FAM222B: variants seen among roughly 807,000 people sequenced by gnomAD.
The protein encoded by FAM222B is family with sequence similarity 222 member B.
FAM222B carries 12 observed loss-of-function variants against 38.0 expected under a neutral mutation model. The ratio of observed to expected loss-of-function variants is 0.32; its 90% CI spans 0.20 to 0.51. The LOEUF (loss-of-function observed/expected upper bound fraction) is 0.51. Among genes scored for constraint, FAM222B ranks in the 20% least tolerant of loss-of-function variants. FAM222B has a pLI of 0.97. For synonymous variants in FAM222B, 329 were observed against 317.2 expected (o/e 1.04, Z -0.40); for missense variants, 716 against 754.2 (o/e 0.95, Z 0.59).
intron 1 of FAM222B, among the ~76,000 whole-genome samples, chr17:28,830,252 C>A (rs1460716551): frequency 1.3e-5 from 2 of 151,538 alleles, no homozygotes; most frequent in Non-Finnish European, 2.9e-5. Context: ...AGCTCCGCCT[C>A]CCAGGTTTAC....
intron 1 of FAM222B, among the ~76,000 whole-genome samples, chr17:28,815,966 CAA>C (rs1204670643): frequency 3.9e-4 from 29 of 74,898 alleles, no homozygotes; most frequent in Admixed American, 1.1e-3. Flanking sequence ...GACTCCGTCT[CAA>C]AAAAAAAAAA....
upstream of FAM222B, among the ~76,000 whole-genome samples, chr17:28,847,317 G>A (rs72848943): frequency 0.014 from 2,153 of 152,182 alleles, 38 homozygotes; most frequent in Non-Finnish European, 0.023. Context: ...GTAGTGGGCC[G>A]TGCGTGGTGG....
intron 1 of FAM222B, among the ~76,000 whole-genome samples, chr17:28,852,978 G>C (rs1184965218): frequency 6.6e-6 from 1 of 152,096 alleles, no homozygotes; most frequent in African/African-American, 2.4e-5. Flanking sequence ...CGGATCACCT[G>C]AGGTCGGGAG....
chr17:28,830,484 T>C (rs1182848048), intron 1 of FAM222B, among the ~76,000 whole-genome samples: 1 of 152,136 alleles, frequency 6.6e-6, no homozygotes, highest in Non-Finnish European at 1.5e-5. Flanking sequence ...ATGAGCTGTA[T>C]GTCTGATACA....
chr17:28,775,917 AAAAAC>A (rs1202141186), intron 1 of FAM222B, among the ~76,000 whole-genome samples: 1 of 151,516 alleles, frequency 6.6e-6, no homozygotes, highest in Non-Finnish European at 1.5e-5. Flanking sequence ...AAAAAACAAA[AAAAAC>A]AAAAAGAGCC....
intron 1 of FAM222B, among the ~76,000 whole-genome samples, chr17:28,821,002 C>T (rs1477842107): frequency 6.7e-6 from 1 of 149,736 alleles, no homozygotes; most frequent in Non-Finnish European, 1.5e-5. Flanking sequence ...TGTTGCCAGG[C>T]TGGAGTGCAA....
At chr17:28,779,479 C>T (rs992930544) in intron 1 of FAM222B, among the ~76,000 whole-genome samples, 1 of 152,152 alleles carries the variant, frequency 6.6e-6, no homozygotes, top group East Asian at 1.9e-4. Flanking sequence ...AGGCCGGGCG[C>T]GGTGGCTCAA....
intron 1 of FAM222B, among the ~76,000 whole-genome samples, chr17:28,806,848 G>A (rs2037517907): frequency 6.6e-6 from 1 of 151,998 alleles, no homozygotes; most frequent in Non-Finnish European, 1.5e-5. Flanking sequence ...TCAGAGAAAG[G>A]AAGAATTCAG....
At chr17:28,785,080 T>C (rs925233094) in intron 1 of FAM222B, among the ~76,000 whole-genome samples, 1 of 152,142 alleles carries the variant, frequency 6.6e-6, no homozygotes, top group African/African-American at 2.4e-5. Context: ...AAAACAATCC[T>C]AATCTAGATG....
chr17:28,813,140 A>T, intron 1 of FAM222B, among the ~76,000 whole-genome samples: 1 of 135,250 alleles, frequency 7.4e-6, no homozygotes, highest in African/African-American at 2.8e-5. Flanking sequence ...AAAAAAAAAA[A>T]ACACACACAT....
chr17:28,806,375 G>A (rs1460687002), intron 1 of FAM222B, among the ~76,000 whole-genome samples: 1 of 152,054 alleles, frequency 6.6e-6, no homozygotes, highest in Admixed American at 6.6e-5. Flanking sequence ...TTTCAGTTAG[G>A]CCGCAATGTA....
chr17:28,760,459 C>T (rs923278272), intron 2 of FAM222B, among the ~76,000 whole-genome samples: 2 of 152,030 alleles, frequency 1.3e-5, no homozygotes, highest in African/African-American at 4.8e-5. Context: ...ACCTGTAATC[C>T]CAGCTACTTG....
intron 1 of FAM222B, among the ~76,000 whole-genome samples, chr17:28,803,015 CTT>C (rs1040738952): frequency 2.7e-5 from 4 of 146,170 alleles, no homozygotes; most frequent in Admixed American, 6.9e-5. Flanking sequence ...TTTGCTTTTT[CTT>C]TTTTTTTTTG....
intron 1 of FAM222B, among the ~76,000 whole-genome samples, chr17:28,833,404 G>A (rs1451944715): frequency 6.6e-6 from 1 of 151,748 alleles, no homozygotes; most frequent in African/African-American, 2.4e-5. Context: ...ATCACCTGAG[G>A]TCAGGAGTTC....
chr17:28,758,266 C>A lies in FAM222B; in HGVS notation c.*4G>T. The A allele has an allele frequency of 6.4e-7, 1 of 1,558,720 alleles. No homozygotes were observed. The highest frequency in any genetic ancestry group is 1.4e-5 in the African/African-American group (1 of 73,148). On this transcript the variant is annotated 3_prime_UTR_variant, in exon 3 of 3. Coordinates refer to ENST00000581407, the MANE Select transcript of FAM222B (RefSeq NM_001077498.3). ...GTGTTGCACGTGGAGGGCAGCAGGG[C>A]TACCTATCTATACCCTGGGTGCTGA...
chr17:28,828,922 T>C (rs1363450901), intron 1 of FAM222B, among the ~76,000 whole-genome samples: 1 of 152,058 alleles, frequency 6.6e-6, no homozygotes, highest in African/African-American at 2.4e-5. Flanking sequence ...TTTTTTTAAT[T>C]GAGACGGAGT....
At chr17:28,776,653 A>C (rs1297068175) in intron 1 of FAM222B, among the ~76,000 whole-genome samples, 3 of 151,670 alleles carry the variant, frequency 2.0e-5, no homozygotes, top group East Asian at 3.9e-4. Flanking sequence ...ATGGGGTCTC[A>C]CTTTGTTGCC....
chr17:28,764,135 A>G (rs11656272), intron 2 of FAM222B, among the ~76,000 whole-genome samples: 28,713 of 152,036 alleles, frequency 0.19, 2,847 homozygotes, highest in South Asian at 0.3. Flanking sequence ...AAAAATTTCC[A>G]GTGGCGCATG....
chr17:28,833,009 T>TAAAAA (rs779596504), intron 1 of FAM222B, among the ~76,000 whole-genome samples: 2 of 90,782 alleles, frequency 2.2e-5, no homozygotes. Flanking sequence ...CTGTCTCTAT[T>TAAAAA]AAAAAAAAAA....
Sources: gnomAD v4.1 joint callset for allele counts (sites outside exome capture counted in the v4.1 genomes callset) on GRCh38, gnomAD v4.1.1 for gene constraint, MANE v1.5 for transcripts, NCBI Gene and HGNC (gene_info 2026-07-23, HGNC 2026-07-21) for gene names.